The following SSU72 variants were observed in gnomAD, a reference collection of about 807,000 sequenced individuals.
SSU72 encodes RNA polymerase II subunit A C-terminal domain phosphatase SSU72.
SSU72 carries 12 observed loss-of-function variants against 22.7 expected under a neutral mutation model. The observed-to-expected ratio is 0.53, with a 90% CI of 0.34 to 0.86. The LOEUF (loss-of-function observed/expected upper bound fraction) is 0.86, where lower values mean the gene tolerates loss of function less well. SSU72 is among the 40% of genes least tolerant of loss of function. The pLI is 0.02. For missense variants in SSU72, 151 were observed against 249.8 expected (o/e 0.60, Z 2.67); for synonymous variants, 116 against 98.3 (o/e 1.18, Z -1.06).
intron 2 of SSU72, among the ~76,000 whole-genome samples, chr1:1,548,196 C>T (rs1036991180): frequency 2.6e-4 from 39 of 152,154 alleles, no homozygotes; most frequent in African/African-American, 8.9e-4. Flanking sequence ...CAGTAGAGGG[C>T]GGCCAACACC....
Position 1,541,849 on chromosome 1 carries a change from T to C in SSU72, c.*217A>G, listed in dbSNP as rs1010603991. 1.3e-5 allele frequency: 7 copies of C among 541,560 alleles called. No homozygotes were observed. Among genetic ancestry groups the C allele is most frequent in the Admixed American group, 9.5e-5 (3 of 31,494 alleles). 33.5% of individuals were successfully genotyped at this position (541,560 alleles called of 1,614,324 possible). A position where few individuals can be genotyped will look rare whatever the true frequency, so the allele number is the denominator to read the frequency against. On this transcript the variant is annotated 3_prime_UTR_variant, in exon 5 of 5. Coordinates refer to ENST00000291386, the MANE Select transcript of SSU72 (RefSeq NM_014188.3). ...CCTTTTTGGTTAAAGAAGAAAAACT[T>C]TGTAATCAATATCCTGCTCATAAGT...
chr1:1,573,500 T>C (rs1033294853), intron 1 of SSU72, among the ~76,000 whole-genome samples: 18 of 151,514 alleles, frequency 1.2e-4, no homozygotes, highest in Admixed American at 8.5e-4. Flanking sequence ...TCATGAACAC[T>C]TGACACTGAT....
rs1557495593 is a variant in SSU72 at position 1,546,805 on chromosome 1, G to A, written c.225-1803C>T. On this transcript the variant is annotated intron_variant, in intron 2 of 4. Coordinates refer to ENST00000291386, the MANE Select transcript of SSU72 (RefSeq NM_014188.3). ...TTGCAGTGAGCCGAGATCACACCAC[G>A]GCACTTCGGCCTGGGCGACAGAGTA... 3.4e-5 allele frequency among the ~76,000 whole-genome samples: 5 copies of A among 147,858 alleles called. No individual in the cohort carries two copies. The South Asian group carries it at 6.5e-4, about 19-fold the overall frequency.
chr1:1,559,879 G>A (rs61774864), intron 2 of SSU72, among the ~76,000 whole-genome samples: 4,099 of 152,134 alleles, frequency 0.027, 87 homozygotes, highest in Non-Finnish European at 0.042. Context: ...CATGCACCAC[G>A]ATGGCCGGCT....
Position 1,541,991 on chromosome 1 carries a change from G to A in SSU72, c.*75C>T, listed in dbSNP as rs1193369718. On this transcript the variant is annotated 3_prime_UTR_variant, in exon 5 of 5. Coordinates refer to ENST00000291386, the MANE Select transcript of SSU72 (RefSeq NM_014188.3). ...ACCGTCACCAGCAGAACACCTGTAAGTAAAAACAAATGTCAGGAAGGAAAA... is the reference window on the plus strand; with the variant it reads ...ACCGTCACCAGCAGAACACCTGTAAATAAAAACAAATGTCAGGAAGGAAAA... 24 of 1,428,326 alleles carry A rather than the reference G, an allele frequency of 1.7e-5. No individual in the cohort carries two copies. In the East Asian group the frequency reaches 5.7e-4, roughly 34 times the overall value. 88.5% of individuals were successfully genotyped at this position (1,428,326 alleles called of 1,614,324 possible).
At chr1:1,569,235 C>CAA (rs1319125934) in intron 1 of SSU72, among the ~76,000 whole-genome samples, 1 of 151,764 alleles carries the variant, frequency 6.6e-6, no homozygotes, top group African/African-American at 2.4e-5. Context: ...AACAAACAAA[C>CAA]AAAAAACCTA....
At chr1:1,544,564 G>A (rs1642368599) in intron 3 of SSU72, 1 of 427,972 alleles carries the variant, frequency 2.3e-6, no homozygotes, top group African/African-American at 2.0e-5. Context: ...GTTGCAGTGA[G>A]CCTAGATTGT....
intron 2 of SSU72, chr1:1,564,365 G>T: frequency 9.0e-7 from 1 of 1,110,570 alleles, no homozygotes; most frequent in Non-Finnish European, 1.2e-6. Context: ...GTGTGAAGCA[G>T]CCCGGCTCCA....
intron 2 of SSU72, chr1:1,564,359 G>C: frequency 9.5e-7 from 1 of 1,054,300 alleles, no homozygotes; most frequent in Non-Finnish European, 1.3e-6. Context: ...CCAGATGTGT[G>C]AAGCAGCCCG....
At chr1:1,558,530 C>T (rs1261434284) in intron 2 of SSU72, among the ~76,000 whole-genome samples, 3 of 152,208 alleles carry the variant, frequency 2.0e-5, no homozygotes, top group South Asian at 2.1e-4. Flanking sequence ...GATGCACTTG[C>T]GTTTCACAGG....
chr1:1,574,144 G>A (rs1036847780), intron 1 of SSU72, among the ~76,000 whole-genome samples: 1 of 152,144 alleles, frequency 6.6e-6, no homozygotes, highest in African/African-American at 2.4e-5. Flanking sequence ...TTCCAGGGAA[G>A]GTGGCCAACG....
At chr1:1,551,981 G>A (rs778701621) in intron 2 of SSU72, among the ~76,000 whole-genome samples, 1 of 152,166 alleles carries the variant, frequency 6.6e-6, no homozygotes, top group Non-Finnish European at 1.5e-5. Context: ...CCAATTCAGG[G>A]GATCCCCAAG....
At chr1:1,566,854 CA>C (rs35297403) in intron 1 of SSU72, among the ~76,000 whole-genome samples, 73,670 of 140,434 alleles carry the variant, frequency 0.52, 22,087 homozygotes, top group East Asian at 0.86. Flanking sequence ...GACCCTGTCT[CA>C]AAAAAAAAAA....
chr1:1,549,365 C>G (rs764091518), intron 2 of SSU72, among the ~76,000 whole-genome samples: 9 of 151,140 alleles, frequency 6.0e-5, no homozygotes, highest in Non-Finnish European at 1.0e-4. Flanking sequence ...ACTAAAAACA[C>G]AAAAAATTAG....
chr1:1,551,993 C>T (rs187368032), intron 2 of SSU72, among the ~76,000 whole-genome samples: 5 of 152,328 alleles, frequency 3.3e-5, no homozygotes, highest in South Asian at 2.1e-4. Context: ...ATCCCCAAGC[C>T]GGCACCCCCA....
rs11588893 is a variant in SSU72, at chr1:1,554,246, C to T, written c.225-9244G>A. Among the ~76,000 whole-genome samples the T allele has an allele frequency of 0.36, 50,526 of 140,728 alleles. 11,562 individuals are homozygous for T. The highest frequency in any genetic ancestry group is 0.64 in the African/African-American group (24,783 of 38,534). The allele number at this position is 140,728 out of a possible 152,430, so 92.3% of individuals were successfully genotyped here. A position where few individuals can be genotyped will look rare whatever the true frequency, so the allele number is the denominator to read the frequency against. On this transcript the variant is annotated intron_variant, in intron 2 of 4. Coordinates refer to ENST00000291386, the MANE Select transcript of SSU72 (RefSeq NM_014188.3). The surrounding 1 kb of genome is among the most constrained non-coding windows in gnomAD (Gnocchi z 4.1). ...GGTCCCCACGAAGCTGAGCATGAGG[C>T]GGACCCGGACCACTCGGGGGCCCCC...
intron 2 of SSU72, among the ~76,000 whole-genome samples, chr1:1,560,444 G>T (rs907574261): frequency 6.6e-6 from 1 of 152,104 alleles, no homozygotes; most frequent in Non-Finnish European, 1.5e-5. Context: ...TAACTTTACC[G>T]AAGGCTCGCA....
intron 1 of SSU72, among the ~76,000 whole-genome samples, chr1:1,573,618 G>A (rs1457473954): frequency 6.6e-6 from 1 of 151,916 alleles, no homozygotes; most frequent in Non-Finnish European, 1.5e-5. Context: ...CCTGGCCCAC[G>A]TGACACTGTT....
intron 1 of SSU72, among the ~76,000 whole-genome samples, chr1:1,572,491 C>A (rs1642743421): frequency 6.6e-6 from 1 of 151,072 alleles, no homozygotes; most frequent in Non-Finnish European, 1.5e-5. Flanking sequence ...GAGTCTTGCT[C>A]TGTCGCCCAG....
Sources: gnomAD v4.1 joint callset for allele counts (sites outside exome capture counted in the v4.1 genomes callset) on GRCh38, gnomAD v4.1.1 for gene constraint, Gnocchi (gnomAD v3.1) non-coding constraint, MANE v1.5 for transcripts, NCBI Gene and HGNC (gene_info 2026-07-23, HGNC 2026-07-21) for gene names.